The following PLCL1 variants were observed in gnomAD, a reference collection of about 807,000 sequenced individuals.
The protein encoded by PLCL1 is phospholipase C like 1 (inactive), also known as inactive phospholipase C-like protein 1.
PLCL1 carries 41 observed loss-of-function variants against 84.4 expected under a neutral mutation model. The ratio of observed to expected loss-of-function variants is 0.49; its 90% CI spans 0.38 to 0.63. PLCL1 has a LOEUF of 0.63. Among genes scored for constraint, PLCL1 ranks in the 30% least tolerant of loss-of-function variants. The pLI, the probability that PLCL1 is intolerant of heterozygous loss-of-function variation, is 0.00. For missense variants in PLCL1, 1,206 were observed against 1,367.8 expected (o/e 0.88, Z 1.87); for synonymous variants, 490 against 488.3 (o/e 1.00, Z -0.05).
intron 1 of PLCL1, among the ~76,000 whole-genome samples, chr2:198,029,932 T>G (rs2105847990): frequency 6.6e-6 from 1 of 151,956 alleles, no homozygotes; most frequent in East Asian, 1.9e-4. Flanking sequence ...ATGCCTGACC[T>G]CAAATGATCC....
chr2:198,057,539 T>G (rs1025225061), intron 1 of PLCL1, among the ~76,000 whole-genome samples: 6 of 152,174 alleles, frequency 3.9e-5, no homozygotes, highest in African/African-American at 9.7e-5. Flanking sequence ...AAGGAGGAAA[T>G]ATCAGTTTTG....
At chr2:197,867,399 A>G (rs868047214) in intron 1 of PLCL1, among the ~76,000 whole-genome samples, 11 of 149,774 alleles carry the variant, frequency 7.3e-5, no homozygotes, top group African/African-American at 2.7e-4. Context: ...TTTTTTTTGT[A>G]CTATAAGTCC....
At chr2:197,879,545 T>C (rs1028848421) in intron 1 of PLCL1, among the ~76,000 whole-genome samples, 1 of 152,154 alleles carries the variant, frequency 6.6e-6, no homozygotes, top group African/African-American at 2.4e-5. Flanking sequence ...CATTATGGTA[T>C]ATGTAGACTT....
chr2:198,098,693 G>A (rs1001158736), intron 3 of PLCL1, among the ~76,000 whole-genome samples: 3 of 152,110 alleles, frequency 2.0e-5, no homozygotes. Context: ...CAAGATTTTT[G>A]AGTCCTAATA....
chr2:198,040,685 T>A (rs972009594), intron 1 of PLCL1, among the ~76,000 whole-genome samples: 2 of 152,198 alleles, frequency 1.3e-5, no homozygotes, highest in Non-Finnish European at 2.9e-5. Flanking sequence ...AGCTTTCCAT[T>A]CTACAGGCTC....
At chr2:198,114,517 A>C (rs1693692703) in intron 5 of PLCL1, among the ~76,000 whole-genome samples, 1 of 151,850 alleles carries the variant, frequency 6.6e-6, no homozygotes, top group Admixed American at 6.6e-5. Flanking sequence ...CTTAGAGAAA[A>C]TTTGTTTCTT....
At chr2:197,958,919 T>TTG (rs1553505695) in intron 1 of PLCL1, among the ~76,000 whole-genome samples, 2 of 151,474 alleles carry the variant, frequency 1.3e-5, no homozygotes, top group Non-Finnish European at 3.0e-5. Flanking sequence ...CTAATCTGTA[T>TTG]TGCCTCTTAA....
chr2:197,902,845 C>G (rs1278760685), intron 1 of PLCL1, among the ~76,000 whole-genome samples: 1 of 152,166 alleles, frequency 6.6e-6, no homozygotes, highest in Admixed American at 6.5e-5. Flanking sequence ...TTTCCCAGCC[C>G]AGGTTTTCAG....
At chr2:198,104,043 A>G in intron 5 of PLCL1, 107 bp downstream of exon 5, 1 of 525,808 alleles carries the variant, frequency 1.9e-6, no homozygotes, top group Non-Finnish European at 3.3e-6. Flanking sequence ...GGATTTTTAA[A>G]CCTTCACTTT....
intron 5 of PLCL1, among the ~76,000 whole-genome samples, chr2:198,132,091 A>G (rs1322436031): frequency 6.6e-6 from 1 of 152,110 alleles, no homozygotes; most frequent in Non-Finnish European, 1.5e-5. Flanking sequence ...TATATTTTCT[A>G]GCACTTCATT....
intron 5 of PLCL1, among the ~76,000 whole-genome samples, chr2:198,119,247 A>C (rs1338213117): frequency 1.3e-5 from 2 of 151,986 alleles, no homozygotes; most frequent in African/African-American, 4.8e-5. Flanking sequence ...AATTCATTTA[A>C]TCTTCTGAAA....
At chr2:197,815,816 A>G (rs1164405288) in intron 1 of PLCL1, among the ~76,000 whole-genome samples, 1 of 152,156 alleles carries the variant, frequency 6.6e-6, no homozygotes, top group Non-Finnish European at 1.5e-5. Flanking sequence ...TAGAATTAGA[A>G]GTGGAGCCTG....
intron 5 of PLCL1, among the ~76,000 whole-genome samples, chr2:198,122,901 C>T (rs1693900793): frequency 6.6e-6 from 1 of 152,034 alleles, no homozygotes; most frequent in Admixed American, 6.6e-5. Flanking sequence ...TATGTACACA[C>T]TATTATGATA....
At chr2:198,014,181 G>A (rs1690936891) in intron 1 of PLCL1, among the ~76,000 whole-genome samples, 3 of 152,126 alleles carry the variant, frequency 2.0e-5, no homozygotes, top group African/African-American at 7.2e-5. Context: ...CTACACATGA[G>A]GACATGCTCT....
chr2:198,079,580 T>C (rs558784596), intron 1 of PLCL1, among the ~76,000 whole-genome samples: 20 of 152,108 alleles, frequency 1.3e-4, no homozygotes, highest in Non-Finnish European at 2.8e-4. Flanking sequence ...AACAAAAAAG[T>C]ATTTGTCTAT....
chr2:198,054,575 C>A (rs1401843419), intron 1 of PLCL1, among the ~76,000 whole-genome samples: 1 of 152,190 alleles, frequency 6.6e-6, no homozygotes, highest in African/African-American at 2.4e-5. Flanking sequence ...AGAATAGGAA[C>A]CCATTCTTTG....
At chr2:197,872,019 C>G (rs1364986932) in intron 1 of PLCL1, among the ~76,000 whole-genome samples, 1 of 152,128 alleles carries the variant, frequency 6.6e-6, no homozygotes, top group Non-Finnish European at 1.5e-5. Context: ...TTCAGCTGTG[C>G]TGTCACTTTG....
intron 1 of PLCL1, among the ~76,000 whole-genome samples, chr2:197,868,814 C>A (rs1687594844): frequency 6.6e-6 from 1 of 151,932 alleles, no homozygotes; most frequent in African/African-American, 2.4e-5. Flanking sequence ...CCATACCTGG[C>A]CTTTACACAT....
chr2:198,019,280 T>C (rs1265361513), intron 1 of PLCL1, among the ~76,000 whole-genome samples: 2 of 151,896 alleles, frequency 1.3e-5, no homozygotes, highest in South Asian at 4.2e-4. Context: ...ATGAGGAAAA[T>C]CCAGCATAAA....
Sources: allele counts gnomAD v4.1 joint callset (sites outside exome capture counted in the v4.1 genomes callset), GRCh38; gene constraint gnomAD v4.1.1; transcripts MANE v1.5; gene names NCBI Gene and HGNC (gene_info 2026-07-23, HGNC 2026-07-21).